The following CLDN12 variants were observed in gnomAD, a reference collection of about 807,000 sequenced individuals.
The protein encoded by CLDN12 is claudin 12, also known as claudin-12.
CLDN12 carries 9 observed loss-of-function variants against 15.5 expected under a neutral mutation model. That is an observed-to-expected ratio of 0.58 (90% CI 0.35 to 1.02). The LOEUF (loss-of-function observed/expected upper bound fraction) is 1.02. Among genes scored for constraint, CLDN12 ranks in the 50% least tolerant of loss-of-function variants. The pLI, the probability that CLDN12 is intolerant of heterozygous loss-of-function variation, is 0.02. For missense variants in CLDN12, 233 were observed against 297.3 expected (o/e 0.78, Z 1.59); for synonymous variants, 140 against 121.6 (o/e 1.15, Z -1.00).
At chr7:90,404,914 A>T (rs1796805280) in intron 1 of CLDN12, among the ~76,000 whole-genome samples, 1 of 150,250 alleles carries the variant, frequency 6.7e-6, no homozygotes, top group Admixed American at 6.6e-5. Flanking sequence ...ATTATTTGAG[A>T]CAGATCATTG....
At chr7:90,410,545 T>C (rs2115886073) in intron 2 of CLDN12, among the ~76,000 whole-genome samples, 1 of 152,346 alleles carries the variant, frequency 6.6e-6, no homozygotes, top group East Asian at 1.9e-4. Flanking sequence ...TTATTCTGGC[T>C]GGGCGCAGTT....
At chr7:90,404,539 A>G (rs918157064) in intron 1 of CLDN12, among the ~76,000 whole-genome samples, 16 of 151,886 alleles carry the variant, frequency 1.1e-4, no homozygotes, top group Non-Finnish European at 2.1e-4. Context: ...TTTTTTTTTT[A>G]AGCATTCTGG....
At chr7:90,406,779 A>G (rs1426775367) in intron 2 of CLDN12, among the ~76,000 whole-genome samples, 4 of 152,084 alleles carry the variant, frequency 2.6e-5, no homozygotes, top group East Asian at 1.9e-4. Flanking sequence ...ACAACAAACC[A>G]CTTATGTGTA....
chr7:90,408,949 A>G (rs1796898944), intron 2 of CLDN12: 1 of 151,892 alleles, frequency 6.6e-6, no homozygotes, highest in Admixed American at 6.6e-5. Context: ...TTTTGTAGAG[A>G]TGGGGTCTCG....
At position 90,413,383 on chromosome 7, in the gene CLDN12, A is replaced by G. The variant is rs967846329; in HGVS notation, c.707A>G (p.Asp236Gly). The change falls in exon 4 of 4, where the codon GAC (aspartate) becomes GGC (glycine). Residue 236 changes from aspartate (D) to glycine (G), a missense_variant. Transcript: ENST00000496677. ...ARSRLSAIEI[D>G]IPVVSHTT ...TCTCGCCTCTCTGCCATTGAAATTG[A>G]CATTCCAGTAGTTTCACACACCACT... The G allele has an allele frequency of 6.2e-7, 1 of 1,613,798 alleles. No individual in the cohort carries two copies. Among genetic ancestry groups the G allele is most frequent in the Non-Finnish European group, 8.5e-7 (1 of 1,179,842 alleles).
chr7:90,408,215 A>G (rs1315134154), intron 2 of CLDN12, among the ~76,000 whole-genome samples: 1 of 152,174 alleles, frequency 6.6e-6, no homozygotes, highest in Non-Finnish European at 1.5e-5. Context: ...ATCCTATAAA[A>G]TTTTACTTCA....
At chr7:90,409,048 C>CA (rs1796902848) in intron 2 of CLDN12, 1 of 152,096 alleles carries the variant, frequency 6.6e-6, no homozygotes, top group African/African-American at 2.4e-5. Context: ...AGGCATGAGC[C>CA]ACAGCACCTG....
chr7:90,413,440 C>T lies in CLDN12; in HGVS notation c.*29C>T. ...GGAAATAGTTAATTGTTAAAGAAAA[C>T]TTCTTGTAGCCTCACATTCCCCTTG... On this transcript the variant is annotated 3_prime_UTR_variant, in exon 4 of 4. Transcript: ENST00000496677. The T allele has an allele frequency of 6.3e-7, 1 of 1,595,290 alleles. No individual in the cohort carries two copies. Among genetic ancestry groups the T allele is most frequent in the Non-Finnish European group, 8.6e-7 (1 of 1,168,626 alleles).
rs751243867 is a variant in CLDN12, at chr7:90,412,982, G to T, written c.306G>T (p.Leu102=). Reference sequence around the variant, plus strand: ...TGCTGATCGCCATGGGTGCCCTGCTGCTCTGCCTGATTGGAATGTGCAACA... The same window carrying T: ...TGCTGATCGCCATGGGTGCCCTGCTTCTCTGCCTGATTGGAATGTGCAACA... ...LSMLIAMGAL[L]LCLIGMCNTA... Residue 102 remains leucine, a synonymous_variant, in exon 4 of 4, where the codon CTG becomes CTT. Coordinates refer to ENST00000496677, the MANE Select transcript of CLDN12 (RefSeq NM_001185072.3). The T allele has an allele frequency of 6.2e-7, 1 of 1,614,044 alleles. No individual in the cohort carries two copies. The highest frequency in any genetic ancestry group is 8.5e-7 in the Non-Finnish European group (1 of 1,180,048).
Position 90,413,045 on chromosome 7 carries a change from C to T in CLDN12, c.369C>T (p.Ala123=). Residue 123 remains alanine (A), a synonymous_variant, in exon 4 of 4, where the codon GCC becomes GCT. Transcript: ENST00000496677. ...FRSSVPNIKL[A]KCLVNSAGCH... is the part of the protein sequence containing the mutation. ...CCTCGGTGCCCAACATCAAACTGGC[C>T]AAGTGTCTGGTCAATAGTGCAGGTT... 1 of 1,614,142 alleles carries T rather than the reference C, an allele frequency of 6.2e-7. No homozygotes were observed. Among genetic ancestry groups the T allele is most frequent in the Non-Finnish European group, 8.5e-7 (1 of 1,180,028 alleles).
intron 2 of CLDN12, among the ~76,000 whole-genome samples, chr7:90,411,726 G>A (rs1796967560): frequency 6.6e-6 from 1 of 152,110 alleles, no homozygotes; most frequent in Non-Finnish European, 1.5e-5. Flanking sequence ...TGACTCATTG[G>A]AGATGAGCTC....
At chr7:90,408,515 A>T (rs1009041912) in intron 2 of CLDN12, among the ~76,000 whole-genome samples, 1 of 152,148 alleles carries the variant, frequency 6.6e-6, no homozygotes, top group Non-Finnish European at 1.5e-5. Flanking sequence ...TCTTAAAAGA[A>T]ATTACTTTAT....
intron 2 of CLDN12, among the ~76,000 whole-genome samples, chr7:90,411,228 A>T (rs1476396621): frequency 6.6e-6 from 1 of 152,200 alleles, no homozygotes. Flanking sequence ...AGGTTGATGG[A>T]ACTGTATTCA....
At chr7:90,405,015 C>T (rs868581845) in intron 1 of CLDN12, among the ~76,000 whole-genome samples, 1 of 151,978 alleles carries the variant, frequency 6.6e-6, no homozygotes. Context: ...ATGTCAGCCT[C>T]CCAAGAAACT....
intron 2 of CLDN12, chr7:90,409,327 T>C (rs1796909567): frequency 6.5e-6 from 1 of 152,678 alleles, no homozygotes; most frequent in South Asian, 2.1e-4. Flanking sequence ...GTTCAAGCGA[T>C]TCTCCTGCCT....
rs1405647009 is a variant in CLDN12, at chr7:90,415,497, T to A, written c.*2086T>A. 6.0e-6 allele frequency: 1 copy of A among 166,602 alleles called. No homozygotes were observed. The highest frequency in any genetic ancestry group is 1.5e-5 in the Non-Finnish European group (1 of 68,104). The allele number at this position is 166,602 out of a possible 1,614,324, so 10.3% of individuals were successfully genotyped here. A position where few individuals can be genotyped will look rare whatever the true frequency, so the allele number is the denominator to read the frequency against. On this transcript the variant is annotated 3_prime_UTR_variant, in exon 4 of 4. Transcript: ENST00000496677. Reference sequence around the variant, plus strand: ...GTAAATATAAACATTAACTTTCCTATAAGAATATTTTGGCTTTGTAATCTA... The same window carrying A: ...GTAAATATAAACATTAACTTTCCTAAAAGAATATTTTGGCTTTGTAATCTA...
chr7:90,403,851 A>C (rs902749596), intron 1 of CLDN12, among the ~76,000 whole-genome samples: 1 of 151,766 alleles, frequency 6.6e-6, no homozygotes, highest in African/African-American at 2.4e-5. Context: ...CGTAATGATG[A>C]CCTGCTTGCG....
At position 90,415,847 on chromosome 7, in the gene CLDN12, G is replaced by A. The variant is rs780262130; in HGVS notation, c.*2436G>A. ...AAACAAACCTAAGTTTACTTTACTTGTACATATACACTACAATGGATAGTA... is the reference window on the plus strand; with the variant it reads ...AAACAAACCTAAGTTTACTTTACTTATACATATACACTACAATGGATAGTA... On this transcript the variant is annotated 3_prime_UTR_variant, in exon 4 of 4. Coordinates refer to ENST00000496677, the MANE Select transcript of CLDN12 (RefSeq NM_001185072.3). The A allele has an allele frequency of 5.4e-5, 9 of 166,938 alleles. No individual in the cohort carries two copies. The highest frequency in any genetic ancestry group is 1.3e-4 in the Non-Finnish European group (9 of 68,100). The allele number at this position is 166,938 out of a possible 1,614,324, so 10.3% of individuals were successfully genotyped here.
intron 2 of CLDN12, among the ~76,000 whole-genome samples, chr7:90,410,556 G>A (rs934984938): frequency 2.0e-5 from 3 of 152,204 alleles, no homozygotes; most frequent in African/African-American, 7.2e-5. Context: ...GGGCGCAGTT[G>A]CTCATGACTA....
Sources: allele counts gnomAD v4.1 joint callset (sites outside exome capture counted in the v4.1 genomes callset), GRCh38; gene constraint gnomAD v4.1.1; transcripts MANE v1.5; gene names NCBI Gene and HGNC (gene_info 2026-07-23, HGNC 2026-07-21).